DTWD2: variants seen among roughly 807,000 people sequenced by gnomAD.
DTWD2 encodes tRNA-uridine aminocarboxypropyltransferase 2.
Under a neutral mutation model 31.8 loss-of-function variants are expected in DTWD2, and 39 were observed. The ratio of observed to expected loss-of-function variants is 1.22; its 90% CI spans 0.95 to 1.60. DTWD2 has a LOEUF of 1.60. Ranked by LOEUF, DTWD2 falls within the 40% of genes most tolerant of loss-of-function variation. The pLI, the probability that DTWD2 is intolerant of heterozygous loss-of-function variation, is 0.00. For synonymous variants in DTWD2, 180 were observed against 142.8 expected (o/e 1.26, Z -1.86); for missense variants, 515 against 381.5 (o/e 1.35, Z -2.92).
At chr5:118,911,058 C>T (rs1392144091) in intron 4 of DTWD2, among the ~76,000 whole-genome samples, 2 of 152,168 alleles carry the variant, frequency 1.3e-5, no homozygotes, top group Non-Finnish European at 2.9e-5. Flanking sequence ...AATTCGAGCA[C>T]AGCACCATAT....
At chr5:118,861,275 T>C (rs1174978711) in intron 4 of DTWD2, among the ~76,000 whole-genome samples, 1 of 152,186 alleles carries the variant, frequency 6.6e-6, no homozygotes, top group Non-Finnish European at 1.5e-5. Flanking sequence ...TACCATGAGA[T>C]TGAAGTTTAT....
intron 1 of DTWD2, among the ~76,000 whole-genome samples, chr5:118,950,866 C>T (rs185516123): frequency 2.6e-4 from 39 of 152,212 alleles, no homozygotes; most frequent in African/African-American, 9.2e-4. Flanking sequence ...TAATTAAATC[C>T]TGTTGTGGGG....
chr5:118,931,088 T>C (rs548893768), intron 3 of DTWD2, among the ~76,000 whole-genome samples: 11 of 151,876 alleles, frequency 7.2e-5, no homozygotes, highest in Admixed American at 4.6e-4. Flanking sequence ...AGATATATGA[T>C]AATACTAATC....
intron 4 of DTWD2, among the ~76,000 whole-genome samples, chr5:118,903,418 C>T (rs530340857): frequency 6.6e-6 from 1 of 152,140 alleles, no homozygotes; most frequent in East Asian, 1.9e-4. Context: ...CATAGTTCCA[C>T]TTTTGCTTTT....
In DTWD2 at chr5:118,968,526, G is replaced by A. The variant is rs184789150; in HGVS notation, c.218+19768C>T. Among the ~76,000 whole-genome samples the A allele has an allele frequency of 3.2e-3, 490 of 152,260 alleles. 2 individuals are homozygous for A. The highest frequency in any genetic ancestry group is 0.012 in the African/African-American group (479 of 41,542). On this transcript the variant is annotated intron_variant, in intron 1 of 5. Transcript: ENST00000510708. ...GCAGGGTGGGGAGACGGCCCCTTCT[G>A]AAGCCAGGGAAGGCCCTACCCCAGC...
intron 4 of DTWD2, among the ~76,000 whole-genome samples, chr5:118,904,264 C>G (rs1753277723): frequency 6.6e-6 from 1 of 151,986 alleles, no homozygotes; most frequent in African/African-American, 2.4e-5. Context: ...TAAAAACACC[C>G]ACATGTTCAA....
intron 3 of DTWD2, among the ~76,000 whole-genome samples, chr5:118,933,289 G>A (rs985369316): frequency 1.3e-5 from 2 of 152,072 alleles, no homozygotes; most frequent in Non-Finnish European, 2.9e-5. Flanking sequence ...CCTAAAAACA[G>A]ACAGAACATT....
chr5:118,988,268 G>T lies in DTWD2; in HGVS notation c.218+26C>A, dbSNP rs537093024. The T allele has an allele frequency of 5.3e-5, 81 of 1,529,210 alleles. 1 individual carries two copies. The South Asian group carries it at 8.8e-4, about 17-fold the overall frequency. 94.7% of individuals were successfully genotyped at this position (1,529,210 alleles called of 1,614,324 possible). On this transcript the variant is annotated intron_variant, in intron 1 of 5. Transcript: ENST00000510708. The stretch of plus-strand genomic sequence containing the variant: ...CCTCCGAAGGCCGCTGCCGGCTGCA[G>T]TCCCCGCCCCCAGCCCCGCGGTCAC...
At chr5:118,890,392 G>A (rs575987066) in intron 4 of DTWD2, among the ~76,000 whole-genome samples, 1 of 151,672 alleles carries the variant, frequency 6.6e-6, no homozygotes, top group Non-Finnish European at 1.5e-5. Context: ...AAATTTCCAC[G>A]TACCTTTGAA....
intron 1 of DTWD2, among the ~76,000 whole-genome samples, chr5:118,984,095 T>C (rs911242636): frequency 6.6e-6 from 1 of 152,198 alleles, no homozygotes; most frequent in African/African-American, 2.4e-5. Context: ...GAGACCAGCC[T>C]GACCAACATG....
chr5:118,952,689 T>C (rs79971648), intron 1 of DTWD2, among the ~76,000 whole-genome samples: 11,297 of 152,258 alleles, frequency 0.074, 564 homozygotes, highest in Non-Finnish European at 0.11. Flanking sequence ...CAAAAGTCTA[T>C]TTAAAAGTTG....
chr5:118,860,156 ATTAG>A (rs1362089961), intron 4 of DTWD2, among the ~76,000 whole-genome samples: 1 of 150,044 alleles, frequency 6.7e-6, no homozygotes, highest in Non-Finnish European at 1.5e-5. Flanking sequence ...TATATGTTAT[ATTAG>A]TTATACTGCT....
chr5:118,915,661 A>C (rs1019495697), intron 4 of DTWD2, among the ~76,000 whole-genome samples: 3 of 152,350 alleles, frequency 2.0e-5, no homozygotes, highest in African/African-American at 7.2e-5. Flanking sequence ...GGCGTGAGCC[A>C]CTACGCCCGG....
intron 1 of DTWD2, among the ~76,000 whole-genome samples, chr5:118,983,511 T>TTCTCTCTC (rs575844486): frequency 6.7e-6 from 1 of 149,580 alleles, no homozygotes; most frequent in Admixed American, 6.6e-5. Context: ...TTTCCCCATT[T>TTCTCTCTC]TCTCTCTCTC....
intron 4 of DTWD2, among the ~76,000 whole-genome samples, chr5:118,853,743 G>A (rs1698071122): frequency 6.6e-6 from 1 of 152,132 alleles, no homozygotes. Context: ...CAGAGGGGAG[G>A]AGGGCAAGGA....
chr5:118,888,421 G>C (rs189783631), intron 4 of DTWD2, among the ~76,000 whole-genome samples: 1 of 152,286 alleles, frequency 6.6e-6, no homozygotes, highest in Admixed American at 6.5e-5. Flanking sequence ...CTGTGTTATA[G>C]TGTGTATCAA....
chr5:118,847,532 T>C (rs1041120836), intron 5 of DTWD2, among the ~76,000 whole-genome samples: 3 of 152,132 alleles, frequency 2.0e-5, no homozygotes, highest in Non-Finnish European at 4.4e-5. Flanking sequence ...GATTATTAAT[T>C]ATATATGAAA....
At chr5:118,963,912 G>T (rs780978584) in intron 1 of DTWD2, among the ~76,000 whole-genome samples, 1 of 152,130 alleles carries the variant, frequency 6.6e-6, no homozygotes, top group African/African-American at 2.4e-5. Flanking sequence ...GGTGAAAGAA[G>T]ATATAAGCAT....
At chr5:118,899,154 A>C (rs1753148585) in intron 4 of DTWD2, among the ~76,000 whole-genome samples, 1 of 152,212 alleles carries the variant, frequency 6.6e-6, no homozygotes, top group Non-Finnish European at 1.5e-5. Flanking sequence ...TGGCGATTCC[A>C]CTACGTGGCC....
Sources: allele counts gnomAD v4.1 joint callset (sites outside exome capture counted in the v4.1 genomes callset), GRCh38; gene constraint gnomAD v4.1.1; transcripts MANE v1.5; gene names NCBI Gene and HGNC (gene_info 2026-07-23, HGNC 2026-07-21).